Variants in LAMA2 observed in about 807,000 individuals in gnomAD.
LAMA2 encodes laminin subunit alpha-2.
In LAMA2, 269 loss-of-function variants were observed where a neutral mutation model predicts 364.8. The ratio of observed to expected loss-of-function variants is 0.74; its 90% CI spans 0.67 to 0.82. LAMA2 has a LOEUF of 0.82. Ranked by LOEUF, LAMA2 falls within the 40% of genes least tolerant of loss-of-function variation. The pLI, the probability that LAMA2 is intolerant of heterozygous loss-of-function variation, is 0.00. For synonymous variants in LAMA2, 1,379 were observed against 1,370.6 expected, an observed-to-expected ratio of 1.01 and a Z score of -0.14; for missense variants, 3,807 against 3,873.2, an observed-to-expected ratio of 0.98 and a Z score of 0.45.
chr6:128,883,275 T>G lies in LAMA2; in HGVS notation c.30T>G (p.Leu10=), dbSNP rs886061038. The G allele has an allele frequency of 5.1e-6, 8 of 1,566,792 alleles. No homozygotes were observed. Among genetic ancestry groups the G allele is most frequent in the African/African-American group, 1.4e-5 (1 of 73,958 alleles). Residue 10 remains leucine, a synonymous_variant, in exon 1 of 65, where the codon CTT becomes CTG. Coordinates refer to ENST00000421865, the MANE Select transcript of LAMA2 (RefSeq NM_000426.4). The part of the protein sequence containing the change: MPGAAGVLL[L]LLLSGGLGGV... Reference sequence around the variant, plus strand: ...CGGGAGCCGCCGGGGTCCTCCTCCTTCTGCTGCTCTCCGGAGGCCTCGGGG... The same window carrying G: ...CGGGAGCCGCCGGGGTCCTCCTCCTGCTGCTGCTCTCCGGAGGCCTCGGGG...
intron 12 of LAMA2, among the ~76,000 whole-genome samples, chr6:129,200,125 T>TATATATACAC: frequency 1.0e-5 from 1 of 99,366 alleles, no homozygotes; most frequent in Non-Finnish European, 2.1e-5. Flanking sequence ...TATATATGTG[T>TATATATACAC]ATATATATAC....
Position 129,141,096 on chromosome 6 carries a change from G to C in LAMA2, c.640-2805G>C, listed in dbSNP as rs1778097764. On this transcript the variant is annotated intron_variant, in intron 4 of 64. Transcript: ENST00000421865. ...CAGAAACTATAATCCTAGACATGTA[G>C]CGATTTCCTCCTTTCTTTCAAGTAG... Among the ~76,000 whole-genome samples, 4 of 151,972 alleles carry C rather than the reference G, an allele frequency of 2.6e-5. No homozygotes were observed. The South Asian group carries it at 8.3e-4, about 32-fold the overall frequency.
intron 58 of LAMA2, among the ~76,000 whole-genome samples, chr6:129,500,944 A>G (rs1332950296): frequency 6.6e-6 from 1 of 152,204 alleles, no homozygotes; most frequent in East Asian, 1.9e-4. Flanking sequence ...CTTTTAAGCT[A>G]CATGTAATTG....
At chr6:129,169,712 G>T (rs1369750759) in intron 9 of LAMA2, among the ~76,000 whole-genome samples, 7 of 136,082 alleles carry the variant, frequency 5.1e-5, no homozygotes, top group African/African-American at 2.1e-4. Flanking sequence ...TTTTTCTATT[G>T]ATTGGAATAG....
intron 40 of LAMA2, among the ~76,000 whole-genome samples, chr6:129,409,078 T>C (rs553503928): frequency 3.3e-5 from 5 of 152,174 alleles, no homozygotes; most frequent in Non-Finnish European, 7.3e-5. Context: ...CATTAATTAG[T>C]ATATAATTAC....
chr6:129,473,402 C>G, intron 52 of LAMA2, 50 bp downstream of exon 52: 1 of 1,516,994 alleles, frequency 6.6e-7, no homozygotes. Flanking sequence ...ATTAAATGAC[C>G]ACTATGCTCA....
intron 1 of LAMA2, chr6:128,930,031 C>CG (rs1779360961): frequency 8.9e-6 from 4 of 448,320 alleles, no homozygotes; most frequent in Non-Finnish European, 1.2e-5. Context: ...TTGCAGAGCA[C>CG]GGGGCGCCGT....
intron 27 of LAMA2, 32 bp downstream of exon 27, chr6:129,316,203 A>AT (rs749525959): frequency 6.4e-7 from 1 of 1,556,814 alleles, no homozygotes; most frequent in Non-Finnish European, 8.8e-7. Flanking sequence ...TCAAGCTCTT[A>AT]TTTTAGAGTC....
intron 12 of LAMA2, among the ~76,000 whole-genome samples, chr6:129,217,396 G>A (rs562527051): frequency 7.7e-4 from 117 of 151,994 alleles, no homozygotes; most frequent in Non-Finnish European, 1.5e-3. Context: ...GTTAATCTTC[G>A]AATTTCTTTT....
intron 12 of LAMA2, among the ~76,000 whole-genome samples, chr6:129,237,217 G>A (rs1785053360): frequency 6.6e-6 from 1 of 152,194 alleles, no homozygotes; most frequent in Admixed American, 6.5e-5. Context: ...CATAATGTCA[G>A]TGTGAGTTGT....
At chr6:129,333,451 G>A (rs372530465) in intron 29 of LAMA2, among the ~76,000 whole-genome samples, 7 of 152,076 alleles carry the variant, frequency 4.6e-5, no homozygotes, top group African/African-American at 1.7e-4. Flanking sequence ...TTTCAATCAG[G>A]ATAAGATATT....
intron 3 of LAMA2, among the ~76,000 whole-genome samples, chr6:129,092,892 A>C (rs1212031735): frequency 6.6e-6 from 1 of 152,112 alleles, no homozygotes; most frequent in Non-Finnish European, 1.5e-5. Flanking sequence ...ACAGAATCAC[A>C]CTTTGGCTGG....
chr6:129,085,647 G>C (rs141179845), intron 3 of LAMA2, among the ~76,000 whole-genome samples: 9 of 152,264 alleles, frequency 5.9e-5, no homozygotes, highest in Middle Eastern at 6.8e-3. Flanking sequence ...TCTGAAGGCA[G>C]CATGAAAAGG....
In LAMA2 at chr6:129,267,086, A is replaced by T. The variant is rs754584838; in HGVS notation, c.2209-20A>T. 6.4e-5 allele frequency: 95 copies of T among 1,478,186 alleles called. No individual in the cohort carries two copies. The highest frequency in any genetic ancestry group is 8.5e-5 in the Non-Finnish European group (90 of 1,056,198). The allele number at this position is 1,478,186 out of a possible 1,614,324, so 91.6% of individuals were successfully genotyped here. A position where few individuals can be genotyped will look rare whatever the true frequency, so the allele number is the denominator to read the frequency against. On this transcript the variant is annotated intron_variant, in intron 15 of 64. Coordinates refer to ENST00000421865, the MANE Select transcript of LAMA2 (RefSeq NM_000426.4). ...TTGTTTTAATCTCCAAGACTGACTA[A>T]AGCCTTATCTTTCTCTCAGTCTTGT...
intron 4 of LAMA2, among the ~76,000 whole-genome samples, chr6:129,128,032 G>T (rs1777218589): frequency 6.6e-6 from 1 of 151,954 alleles, no homozygotes; most frequent in African/African-American, 2.4e-5. Flanking sequence ...TTTTACTTTT[G>T]TGGCCTATAC....
chr6:129,496,982 CTATT>C (rs1011815054), intron 58 of LAMA2, among the ~76,000 whole-genome samples: 4 of 152,148 alleles, frequency 2.6e-5, no homozygotes, highest in African/African-American at 7.2e-5. Flanking sequence ...TTCCATCTCT[CTATT>C]TATTCTTTTG....
chr6:129,244,127 T>C (rs1441594526), intron 12 of LAMA2, among the ~76,000 whole-genome samples: 1 of 152,132 alleles, frequency 6.6e-6, no homozygotes, highest in African/African-American at 2.4e-5. Context: ...TCATTTTCTA[T>C]GCATTAAGGA....
chr6:129,056,761 C>T (rs975541086), intron 2 of LAMA2, among the ~76,000 whole-genome samples: 1 of 152,120 alleles, frequency 6.6e-6, no homozygotes, highest in Non-Finnish European at 1.5e-5. Flanking sequence ...AATGGAGTCT[C>T]ACTCTGTCAC....
chr6:129,412,570 AAG>A (rs1780589941), intron 40 of LAMA2, among the ~76,000 whole-genome samples: 1 of 152,186 alleles, frequency 6.6e-6, no homozygotes, highest in Non-Finnish European at 1.5e-5. Context: ...AAAAGAGAAA[AAG>A]AGAAACAAAT....
Sources: allele counts gnomAD v4.1 joint callset (sites outside exome capture counted in the v4.1 genomes callset), GRCh38; gene constraint gnomAD v4.1.1; transcripts MANE v1.5; gene names NCBI Gene and HGNC (gene_info 2026-07-23, HGNC 2026-07-21).